Variants in PLPPR2 observed in about 807,000 individuals in gnomAD.
PLPPR2 encodes phospholipid phosphatase-related protein type 2.
In PLPPR2, 11 loss-of-function variants were observed where a neutral mutation model predicts 40.3. That is an observed-to-expected ratio of 0.27 (90% CI 0.17 to 0.45). PLPPR2 has a LOEUF of 0.45. Among genes scored for constraint, PLPPR2 ranks in the 20% least tolerant of loss-of-function variants. PLPPR2 has a pLI of 1.00. For missense variants in PLPPR2, 497 were observed against 640.7 expected (o/e 0.78, Z 2.42); for synonymous variants, 260 against 290.8 (o/e 0.89, Z 1.08).
Position 11,361,205 on chromosome 19 carries a change from T to C in PLPPR2, c.392-12T>C, listed in dbSNP as rs1279016962. 6.3e-7 allele frequency: 1 copy of C among 1,594,928 alleles called. No homozygotes were observed. Among genetic ancestry groups the C allele is most frequent in the Non-Finnish European group, 8.5e-7 (1 of 1,171,994 alleles). ...CCTGGCGCATGAACCCCTTCCACTA[T>C]CCCACCCCTAGGGGTCTACTCCTTC... is the stretch of plus-strand genomic sequence containing the variant. On this transcript the variant is annotated splice_polypyrimidine_tract_variant and intron_variant, in intron 5 of 9. Transcript: ENST00000688289. This position sits in a 1 kb window ranked among gnomAD's most constrained non-coding sequence, Gnocchi z 6.3.
Position 11,364,238 on chromosome 19 carries a change from A to G in PLPPR2, c.1015+26A>G. ...GTGAGTGTTGGGGGAGTGGGGGGCT[A>G]AACAGGGGGACTTCCAGGTGGGCAG... On this transcript the variant is annotated intron_variant, in intron 9 of 9. Coordinates refer to ENST00000688289, the MANE Select transcript of PLPPR2 (RefSeq NM_001393892.1). This position sits in a 1 kb window ranked among gnomAD's most constrained non-coding sequence, Gnocchi z 5.8. The G allele has an allele frequency of 6.3e-7, 1 of 1,597,964 alleles. No individual in the cohort carries two copies. The highest frequency in any genetic ancestry group is 8.5e-7 in the Non-Finnish European group (1 of 1,170,458).
rs2144681100 is a variant in PLPPR2 at position 11,364,278 on chromosome 19, G to A, written c.1015+66G>A. ...CAGGTGGGCAGCCACTGCCCCAGAG[G>A]TCTCACCTAGGCCTTTATGCTGCCT... On this transcript the variant is annotated intron_variant, in intron 9 of 9. Transcript: ENST00000688289. This position sits in a 1 kb window ranked among gnomAD's most constrained non-coding sequence, Gnocchi z 5.8. 1 of 1,568,026 alleles carries A rather than the reference G, an allele frequency of 6.4e-7. No individual in the cohort carries two copies. The highest frequency in any genetic ancestry group is 1.9e-5 in the Admixed American group (1 of 53,158).
In PLPPR2 at chr19:11,362,869, A is replaced by G. The variant is rs1265390926; in HGVS notation, c.840+180A>G. Among the ~76,000 whole-genome samples, 1 of 152,250 alleles carries G rather than the reference A, an allele frequency of 6.6e-6. No individual in the cohort carries two copies. Among genetic ancestry groups the G allele is most frequent in the Non-Finnish European group, 1.5e-5 (1 of 68,044 alleles). On this transcript the variant is annotated intron_variant, in intron 7 of 9. Coordinates refer to ENST00000688289, the MANE Select transcript of PLPPR2 (RefSeq NM_001393892.1). The surrounding 1 kb of genome is among the most constrained non-coding windows in gnomAD (Gnocchi z 5.3). ...GAGATACCAGGATCAGGGTGAGGCAAGGCCTTGAATGCAAATTTTAAGAGG... is the reference window on the plus strand; with the variant it reads ...GAGATACCAGGATCAGGGTGAGGCAGGGCCTTGAATGCAAATTTTAAGAGG...
At chr19:11,356,473 A>G in intron 1 of PLPPR2, among the ~76,000 whole-genome samples, 1 of 149,436 alleles carries the variant, frequency 6.7e-6, no homozygotes, top group East Asian at 2.0e-4. Context: ...GACTTGTTTG[A>G]TCTGTTTGGT....
intron 3 of PLPPR2, among the ~76,000 whole-genome samples, 153 bp downstream of exon 3, chr19:11,357,892 T>A (rs1967932924): frequency 6.6e-6 from 1 of 152,012 alleles, no homozygotes; most frequent in Non-Finnish European, 1.5e-5. Context: ...GATTCAGAAG[T>A]GCCACTCCCC....
chr19:11,359,766 T>A lies in PLPPR2; in HGVS notation c.255+46T>A. 6.3e-7 allele frequency: 1 copy of A among 1,579,978 alleles called. No homozygotes were observed. Among genetic ancestry groups the A allele is most frequent in the Non-Finnish European group, 8.6e-7 (1 of 1,157,588 alleles). On this transcript the variant is annotated intron_variant, in intron 4 of 9. Coordinates refer to ENST00000688289, the MANE Select transcript of PLPPR2 (RefSeq NM_001393892.1). The surrounding 1 kb of genome is among the most constrained non-coding windows in gnomAD (Gnocchi z 5.6). ...TAGGAGGCAGGTGGGCCGGTAAGGG[T>A]GGGTGAGGGGATGGGCTGGAAGGCC...
chr19:11,357,845 G>A (rs1967932030), intron 3 of PLPPR2, 106 bp downstream of exon 3: 1 of 860,084 alleles, frequency 1.2e-6, no homozygotes, highest in Admixed American at 3.1e-5. Context: ...GATCTCCCTT[G>A]CTGTCCCCTT....
intron 1 of PLPPR2, among the ~76,000 whole-genome samples, chr19:11,356,600 A>T (rs1342266560): frequency 6.6e-6 from 1 of 151,870 alleles, no homozygotes; most frequent in Non-Finnish European, 1.5e-5. Flanking sequence ...GGCGCCCAGC[A>T]CAGCGCCTGG....
chr19:11,360,515 A>C lies in PLPPR2; in HGVS notation c.391+559A>C, dbSNP rs1236049469. On this transcript the variant is annotated intron_variant, in intron 5 of 9. Coordinates refer to ENST00000688289, the MANE Select transcript of PLPPR2 (RefSeq NM_001393892.1). ...GATGTTAGGAAGCAACAAGGGACTTAGGCTCAGACCAGATGTAATGGAGGT... is the reference window on the plus strand; with the variant it reads ...GATGTTAGGAAGCAACAAGGGACTTCGGCTCAGACCAGATGTAATGGAGGT... 2.0e-5 allele frequency among the ~76,000 whole-genome samples: 3 copies of C among 152,238 alleles called. No homozygotes were observed. In the East Asian group the frequency reaches 5.8e-4, roughly 29 times the overall value.
chr19:11,360,207 TA>T, intron 5 of PLPPR2, among the ~76,000 whole-genome samples: 1 of 150,634 alleles, frequency 6.6e-6, no homozygotes, highest in East Asian at 2.0e-4. Context: ...CAGGTGCCTG[TA>T]ATCCTTGAAC....
chr19:11,358,965 T>A (rs1175398140), intron 3 of PLPPR2, among the ~76,000 whole-genome samples: 1 of 152,216 alleles, frequency 6.6e-6, no homozygotes. Context: ...TCCACCTGCC[T>A]CAGCCTCCCA....
intron 2 of PLPPR2, among the ~76,000 whole-genome samples, chr19:11,357,451 G>A (rs1226782662): frequency 5.3e-5 from 8 of 152,004 alleles, no homozygotes; most frequent in Admixed American, 5.2e-4. Flanking sequence ...GAGGAGGCAG[G>A]TGTCCCCAGT....
chr19:11,357,603 C>G lies in PLPPR2; in HGVS notation c.-14-57C>G, dbSNP rs767610101. On this transcript the variant is annotated intron_variant, in intron 2 of 9. Transcript: ENST00000688289. ...GGGATGAAGCCAGGGTCCCGGTGAC[C>G]TGAGCCTTCCCCTAGGCACACCCCC... 80 of 1,373,428 alleles carry G rather than the reference C, an allele frequency of 5.8e-5. No individual in the cohort carries two copies. The East Asian group carries it at 1.9e-3, about 33-fold the overall frequency. 85.1% of individuals were successfully genotyped at this position (1,373,428 alleles called of 1,614,324 possible). A position where few individuals can be genotyped will look rare whatever the true frequency, so the allele number is the denominator to read the frequency against.
In PLPPR2 at chr19:11,365,133, T is replaced by G; in HGVS notation, c.*443T>G. Reference sequence around the variant, plus strand: ...GAATTTCTAGAGTGGGTGGGCATGATTCCAGTCAATGGGGGACCGCCCGTG... The same window carrying G: ...GAATTTCTAGAGTGGGTGGGCATGAGTCCAGTCAATGGGGGACCGCCCGTG... On this transcript the variant is annotated 3_prime_UTR_variant, in exon 10 of 10. Coordinates refer to ENST00000688289, the MANE Select transcript of PLPPR2 (RefSeq NM_001393892.1). The G allele has an allele frequency of 5.0e-6, 1 of 199,206 alleles. No individual in the cohort carries two copies. The highest frequency in any genetic ancestry group is 2.4e-5 in the African/African-American group (1 of 42,244). 12.3% of individuals were successfully genotyped at this position (199,206 alleles called of 1,614,324 possible).
chr19:11,363,694 T>G lies in PLPPR2; in HGVS notation c.841-19T>G, dbSNP rs1040951934. On this transcript the variant is annotated intron_variant, in intron 7 of 9. Transcript: ENST00000688289. This position sits in a 1 kb window ranked among gnomAD's most constrained non-coding sequence, Gnocchi z 4.8. ...TGACTTGCCCCAGGCCTCAACACTC[T>G]CCTCTCCCTCTATTCCAGGTCACCT... 1 of 1,604,428 alleles carries G rather than the reference T, an allele frequency of 6.2e-7. No individual in the cohort carries two copies. Among genetic ancestry groups the G allele is most frequent in the Non-Finnish European group, 8.5e-7 (1 of 1,172,754 alleles).
chr19:11,360,454 G>T (rs1424749184), intron 5 of PLPPR2, among the ~76,000 whole-genome samples: 1 of 152,072 alleles, frequency 6.6e-6, no homozygotes, highest in East Asian at 1.9e-4. Flanking sequence ...GGAATTCCAG[G>T]GGGGAAGGAA....
At position 11,357,745 on chromosome 19, in the gene PLPPR2, GA is replaced by G. The variant is rs1967928590; in HGVS notation, c.66+7del. On this transcript the variant is annotated splice_region_variant and intron_variant, in intron 3 of 9. Coordinates refer to ENST00000688289, the MANE Select transcript of PLPPR2 (RefSeq NM_001393892.1). ...CCTGCTTTGTCTTCGTGGAGGTGAG[GA>G]CCCCCGTACCTCTCCCAGAGACGGC... 5.6e-6 allele frequency: 9 copies of G among 1,602,768 alleles called. No homozygotes were observed. Among genetic ancestry groups the G allele is most frequent in the Non-Finnish European group, 7.7e-6 (9 of 1,173,948 alleles).
rs1383991244 is a variant in PLPPR2, at chr19:11,365,568, A to T, written c.*878A>T. ...CCATCATGGGGGGCATGGGTGGAGC[A>T]GAGGGGCTCCCTCACCCCGGGCAGG... is the stretch of plus-strand genomic sequence containing the variant. On this transcript the variant is annotated 3_prime_UTR_variant, in exon 10 of 10. Coordinates refer to ENST00000688289, the MANE Select transcript of PLPPR2 (RefSeq NM_001393892.1). The T allele has an allele frequency of 3.3e-5, 5 of 152,660 alleles. No homozygotes were observed. The highest frequency in any genetic ancestry group is 7.3e-5 in the Non-Finnish European group (5 of 68,068). The allele number at this position is 152,660 out of a possible 1,614,324, so 9.5% of individuals were successfully genotyped here. A position where few individuals can be genotyped will look rare whatever the true frequency, so the allele number is the denominator to read the frequency against.
At chr19:11,360,096 GC>G in intron 5 of PLPPR2, 140 bp downstream of exon 5, 1 of 1,199,210 alleles carries the variant, frequency 8.3e-7, no homozygotes, top group African/African-American at 1.5e-5. Flanking sequence ...ACTGTGGGAG[GC>G]CAAGTGGGCG....
Sources: gnomAD v4.1 joint callset for allele counts (sites outside exome capture counted in the v4.1 genomes callset) on GRCh38, gnomAD v4.1.1 for gene constraint, Gnocchi (gnomAD v3.1) non-coding constraint, MANE v1.5 for transcripts, NCBI Gene and HGNC (gene_info 2026-07-23, HGNC 2026-07-21) for gene names.